Variants in GRIA4 observed in about 807,000 individuals in gnomAD.
The protein encoded by GRIA4 is glutamate receptor 4.
A neutral mutation model predicts 104.0 loss-of-function variants in GRIA4; 34 were observed. That is an observed-to-expected ratio of 0.33 (90% CI 0.25 to 0.44). GRIA4 has a LOEUF of 0.44. Ranked by LOEUF, GRIA4 falls within the 20% of genes least tolerant of loss-of-function variation. GRIA4 has a pLI of 1.00. For missense variants in GRIA4, 750 were observed against 1,096.5 expected (o/e 0.68, Z 4.46); for synonymous variants, 386 against 381.9 (o/e 1.01, Z -0.13).
chr11:105,932,378 T>C (rs374803191), intron 13 of GRIA4, among the ~76,000 whole-genome samples: 17 of 152,084 alleles, frequency 1.1e-4, no homozygotes, highest in African/African-American at 4.1e-4. Context: ...ATCTCACATA[T>C]TGAACTTTAT....
At chr11:105,858,361 T>A (rs756708207) in intron 4 of GRIA4, among the ~76,000 whole-genome samples, 3 of 152,112 alleles carry the variant, frequency 2.0e-5, no homozygotes, top group Non-Finnish European at 4.4e-5. Context: ...TACCTATCTT[T>A]TTAAAAATGT....
intron 4 of GRIA4, among the ~76,000 whole-genome samples, chr11:105,787,452 C>A (rs1942018808): frequency 1.4e-5 from 2 of 140,816 alleles, no homozygotes; most frequent in Non-Finnish European, 3.1e-5. Context: ...TAAAAGCAGT[C>A]TAAAAGATGT....
At chr11:105,812,285 G>A (rs1943205581) in intron 4 of GRIA4, among the ~76,000 whole-genome samples, 1 of 152,112 alleles carries the variant, frequency 6.6e-6, no homozygotes, top group Non-Finnish European at 1.5e-5. Context: ...TAACATATAA[G>A]GGTTCCTTTG....
In GRIA4 at chr11:105,650,520, T is replaced by A. The variant is rs142954214; in HGVS notation, c.247+38086T>A. 1.4e-3 allele frequency among the ~76,000 whole-genome samples: 210 copies of A among 152,258 alleles called. 3 individuals carry two copies. Among genetic ancestry groups the A allele is most frequent in the African/African-American group, 4.5e-3 (187 of 41,562 alleles). Reference sequence around the variant, plus strand: ...CTGAAAAAAAAAATGTTTCCATGATTGAAAAAGACTTGACAACAACCTAAA... The same window carrying A: ...CTGAAAAAAAAAATGTTTCCATGATAGAAAAAGACTTGACAACAACCTAAA... On this transcript the variant is annotated intron_variant, in intron 3 of 16. Transcript: ENST00000282499.
At chr11:105,729,383 G>A (rs978314821) in intron 3 of GRIA4, among the ~76,000 whole-genome samples, 1 of 152,084 alleles carries the variant, frequency 6.6e-6, no homozygotes, top group Non-Finnish European at 1.5e-5. Context: ...GCCCAAAAAT[G>A]CCCAGGACCA....
rs1483470655 is a variant in GRIA4 at position 105,662,608 on chromosome 11, GA to G, written c.247+50175del. Among the ~76,000 whole-genome samples the G allele has an allele frequency of 2.0e-5, 3 of 151,990 alleles. No individual in the cohort carries two copies. The East Asian group carries it at 5.8e-4, about 29-fold the overall frequency. On this transcript the variant is annotated intron_variant, in intron 3 of 16. Transcript: ENST00000282499. ...GCAATATATAACTATTGAAATTTTA[GA>G]GAGAAAAATGGTTTTACTTCTTTAC...
chr11:105,971,547 C>T (rs1021884487), intron 14 of GRIA4, among the ~76,000 whole-genome samples: 2 of 152,162 alleles, frequency 1.3e-5, no homozygotes, highest in Non-Finnish European at 2.9e-5. Context: ...GTCTGTCTGT[C>T]AACCTGCAGC....
At chr11:105,779,054 C>A (rs558041242) in intron 4 of GRIA4, among the ~76,000 whole-genome samples, 2 of 148,924 alleles carry the variant, frequency 1.3e-5, no homozygotes, top group East Asian at 4.1e-4. Flanking sequence ...TTTGTCCTTG[C>A]GATAGTTTGC....
chr11:105,640,140 T>A (rs2135345279), intron 3 of GRIA4, among the ~76,000 whole-genome samples: 1 of 152,066 alleles, frequency 6.6e-6, no homozygotes, highest in Non-Finnish European at 1.5e-5. Context: ...ACAAATGATC[T>A]GATGCAGATG....
At chr11:105,676,512 TA>T (rs1227726964) in intron 3 of GRIA4, among the ~76,000 whole-genome samples, 17 of 9,034 alleles carry the variant, frequency 1.9e-3, no homozygotes, top group Non-Finnish European at 2.3e-3. Context: ...TCTTATATGT[TA>T]AAAATTATAA....
intron 3 of GRIA4, among the ~76,000 whole-genome samples, chr11:105,710,960 T>C (rs1953888614): frequency 1.3e-5 from 2 of 151,876 alleles, no homozygotes; most frequent in African/African-American, 4.8e-5. Flanking sequence ...CAATAAAATC[T>C]CAGAATTATT....
chr11:105,976,715 G>A (rs1859000544), intron 16 of GRIA4, among the ~76,000 whole-genome samples: 1 of 151,896 alleles, frequency 6.6e-6, no homozygotes, highest in South Asian at 2.1e-4. Context: ...TCAATCCATG[G>A]TAGATTCTAC....
chr11:105,929,950 C>T (rs887740837), intron 13 of GRIA4, among the ~76,000 whole-genome samples: 1 of 152,046 alleles, frequency 6.6e-6, no homozygotes, highest in Non-Finnish European at 1.5e-5. Context: ...TGAAATAAAT[C>T]GATCTGAGAT....
At chr11:105,667,198 AT>A (rs1240271613) in intron 3 of GRIA4, among the ~76,000 whole-genome samples, 1 of 152,048 alleles carries the variant, frequency 6.6e-6, no homozygotes, top group Non-Finnish European at 1.5e-5. Flanking sequence ...AAGGAAAAAA[AT>A]ATAGCAAATT....
intron 15 of GRIA4, 61 bp downstream of exon 15, chr11:105,972,089 G>A: frequency 1.0e-6 from 1 of 986,272 alleles, no homozygotes; most frequent in Non-Finnish European, 1.6e-6. Context: ...GGGAGCAATT[G>A]TCAAAAGTAT....
chr11:105,800,523 C>G (rs1197670771), intron 4 of GRIA4, among the ~76,000 whole-genome samples: 1 of 151,798 alleles, frequency 6.6e-6, no homozygotes, highest in Non-Finnish European at 1.5e-5. Flanking sequence ...AATTAGGGGA[C>G]AAGGATTGTT....
intron 3 of GRIA4, among the ~76,000 whole-genome samples, chr11:105,691,261 A>G (rs1189392522): frequency 6.6e-6 from 1 of 152,222 alleles, no homozygotes; most frequent in Non-Finnish European, 1.5e-5. Flanking sequence ...ATAGATTGAT[A>G]TATGCTTGAT....
chr11:105,634,183 C>T lies in GRIA4; in HGVS notation c.247+21749C>T, dbSNP rs1591473736. 2.0e-5 allele frequency among the ~76,000 whole-genome samples: 3 copies of T among 151,774 alleles called. No homozygotes were observed. The South Asian group carries it at 6.2e-4, about 32-fold the overall frequency. Reference sequence around the variant, plus strand: ...GCAACATGGTGAAACCCCGACTCTACTAAAAATACAAAAATTAGCAGCATG... The same window carrying T: ...GCAACATGGTGAAACCCCGACTCTATTAAAAATACAAAAATTAGCAGCATG... On this transcript the variant is annotated intron_variant, in intron 3 of 16. Transcript: ENST00000282499.
At chr11:105,675,038 A>T (rs965655713) in intron 3 of GRIA4, among the ~76,000 whole-genome samples, 2 of 151,856 alleles carry the variant, frequency 1.3e-5, no homozygotes, top group Non-Finnish European at 2.9e-5. Context: ...CTCCTTGGGG[A>T]AAAAGTTCTT....
Sources: allele counts gnomAD v4.1 joint callset (sites outside exome capture counted in the v4.1 genomes callset), GRCh38; gene constraint gnomAD v4.1.1; transcripts MANE v1.5; gene names NCBI Gene and HGNC (gene_info 2026-07-23, HGNC 2026-07-21).